Variants in SEL1L3 observed in about 807,000 individuals in gnomAD.
SEL1L3 encodes the protein protein sel-1 homolog 3.
In SEL1L3, 76 loss-of-function variants were observed where a neutral mutation model predicts 142.8. That is an observed-to-expected ratio of 0.53 (90% CI 0.44 to 0.64). The LOEUF (loss-of-function observed/expected upper bound fraction) is 0.64, where lower values mean the gene tolerates loss of function less well. Among genes scored for constraint, SEL1L3 ranks in the 30% least tolerant of loss-of-function variants. The pLI, the probability that SEL1L3 is intolerant of heterozygous loss-of-function variation, is 0.00. For synonymous variants in SEL1L3, 504 were observed against 519.6 expected (o/e 0.97, Z 0.41); for missense variants, 1,262 against 1,381.7 (o/e 0.91, Z 1.37).
chr4:25,722,984 G>A, the SEL1L3 span, among the ~76,000 whole-genome samples: 3 of 152,156 alleles, frequency 2.0e-5, no homozygotes, highest in Non-Finnish European at 2.9e-5. Context: ...GGAGAGTTAC[G>A]TGGACAAGGA....
chr4:25,757,810 C>T lies in SEL1L3; in HGVS notation c.3084-20G>A. ...CAGCACCTGCAGACAAAGCCCAGGG[C>T]ATCTTGACGTGTCAGCCAACTTTGG... On this transcript the variant is annotated intron_variant, in intron 21 of 23. Coordinates refer to ENST00000399878, the MANE Select transcript of SEL1L3 (RefSeq NM_015187.5). The T allele has an allele frequency of 1.3e-6, 2 of 1,549,364 alleles. No individual in the cohort carries two copies. Among genetic ancestry groups the T allele is most frequent in the Non-Finnish European group, 1.7e-6 (2 of 1,143,380 alleles).
intron 1 of SEL1L3, among the ~76,000 whole-genome samples, chr4:25,860,017 G>T (rs1285391925): frequency 6.6e-6 from 1 of 152,172 alleles, no homozygotes; most frequent in Non-Finnish European, 1.5e-5. Context: ...AGCTAGTGTG[G>T]TTTAGAGCTG....
chr4:25,845,363 G>T (rs1285924451), intron 2 of SEL1L3, among the ~76,000 whole-genome samples: 6 of 152,160 alleles, frequency 3.9e-5, no homozygotes, highest in Admixed American at 2.0e-4. Context: ...GGGTGTGGTG[G>T]TACATGCCCA....
chr4:25,789,367 G>A (rs183406374), intron 12 of SEL1L3, among the ~76,000 whole-genome samples: 1 of 152,134 alleles, frequency 6.6e-6, no homozygotes, highest in East Asian at 1.9e-4. Flanking sequence ...ATTGCTTGAG[G>A]CCAGGAGTTC....
chr4:25,816,750 C>T (rs1056744866), intron 9 of SEL1L3, among the ~76,000 whole-genome samples: 1 of 152,176 alleles, frequency 6.6e-6, no homozygotes, highest in Admixed American at 6.5e-5. Flanking sequence ...GGAACAATCA[C>T]TTTGCAGGGC....
At chr4:25,799,315 T>A (rs2109213633) in intron 11 of SEL1L3, among the ~76,000 whole-genome samples, 1 of 152,262 alleles carries the variant, frequency 6.6e-6, no homozygotes, top group Middle Eastern at 3.4e-3. Flanking sequence ...CCTCAAGTGA[T>A]CTGCCTGCCT....
intron 2 of SEL1L3, among the ~76,000 whole-genome samples, chr4:25,841,965 A>G (rs1441315527): frequency 6.6e-6 from 1 of 152,154 alleles, no homozygotes; most frequent in Non-Finnish European, 1.5e-5. Flanking sequence ...GTCTCAAAAA[A>G]ATTAGATAAC....
chr4:25,862,584 C>T (rs1560369246), intron 1 of SEL1L3, 91 bp downstream of exon 1: 2 of 623,186 alleles, frequency 3.2e-6, no homozygotes, highest in South Asian at 6.9e-5. Context: ...GCGGCGTCCC[C>T]GCCCCGCGTG....
intron 9 of SEL1L3, among the ~76,000 whole-genome samples, chr4:25,812,449 G>A (rs1714093194): frequency 6.6e-6 from 1 of 152,228 alleles, no homozygotes; most frequent in Non-Finnish European, 1.5e-5. Context: ...GTTGGGCACA[G>A]GGGCTCACAC....
intron 20 of SEL1L3, chr4:25,759,758 G>C (rs949086502): frequency 6.6e-6 from 1 of 152,264 alleles, no homozygotes; most frequent in Non-Finnish European, 1.5e-5. Context: ...TAAAGGATGG[G>C]TACTATTACA....
chr4:25,844,965 A>G (rs1359100376), intron 2 of SEL1L3, among the ~76,000 whole-genome samples: 1 of 152,188 alleles, frequency 6.6e-6, no homozygotes. Context: ...TTTTCATTTA[A>G]AGCACTGCAC....
In SEL1L3 at chr4:25,811,894, T is replaced by C. The variant is rs192347596; in HGVS notation, c.1564+6244A>G. Among the ~76,000 whole-genome samples, 8 of 152,254 alleles carry C rather than the reference T, an allele frequency of 5.3e-5. No individual in the cohort carries two copies. In the East Asian group the frequency reaches 1.5e-3, roughly 29 times the overall value. Reference sequence around the variant, plus strand: ...AATGCAATGCTTTTATAAAGTGACATAATGTCTACGACAGAACTTAGTGAA... The same window carrying C: ...AATGCAATGCTTTTATAAAGTGACACAATGTCTACGACAGAACTTAGTGAA... On this transcript the variant is annotated intron_variant, in intron 9 of 23. Transcript: ENST00000399878.
intron 6 of SEL1L3, among the ~76,000 whole-genome samples, chr4:25,826,060 T>C (rs1445622859): frequency 6.6e-6 from 1 of 152,184 alleles, no homozygotes; most frequent in East Asian, 1.9e-4. Context: ...TAATTTTAAA[T>C]TTATTTGTGA....
At chr4:25,771,618 G>A (rs923491528) in intron 17 of SEL1L3, among the ~76,000 whole-genome samples, 3 of 152,052 alleles carry the variant, frequency 2.0e-5, no homozygotes, top group African/African-American at 7.2e-5. Context: ...CAGCTCTATT[G>A]CAAAAAGGTG....
intron 5 of SEL1L3, among the ~76,000 whole-genome samples, chr4:25,832,197 A>G (rs1266169220): frequency 6.6e-6 from 1 of 152,240 alleles, no homozygotes; most frequent in Non-Finnish European, 1.5e-5. Flanking sequence ...TTACAGAAAA[A>G]GGAAATGTGA....
chr4:25,779,105 T>A lies in SEL1L3; in HGVS notation c.2556A>T (p.Thr852=). The A allele has an allele frequency of 6.2e-7, 1 of 1,613,640 alleles. No individual in the cohort carries two copies. Among genetic ancestry groups the A allele is most frequent in the Non-Finnish European group, 8.5e-7 (1 of 1,179,640 alleles). Residue 852 remains threonine, a synonymous_variant, in exon 16 of 24, where the codon ACA becomes ACT. Transcript: ENST00000399878. The part of the protein sequence containing the change: ...SLYYITGNLE[T]FPRDPEKAVV... Reference sequence around the variant, plus strand: ...CAGCTTTCTCAGGATCTCTAGGGAATGTCTCCAGGTTGCCTGTGATATAGT... The same window carrying A: ...CAGCTTTCTCAGGATCTCTAGGGAAAGTCTCCAGGTTGCCTGTGATATAGT...
chr4:25,765,445 A>G lies in SEL1L3; in HGVS notation c.2846-10T>C. 1.3e-6 allele frequency: 2 copies of G among 1,551,740 alleles called. No individual in the cohort carries two copies. Among genetic ancestry groups the G allele is most frequent in the South Asian group, 1.1e-5 (1 of 89,708 alleles). On this transcript the variant is annotated splice_polypyrimidine_tract_variant and intron_variant, in intron 19 of 23. Transcript: ENST00000399878. ...CCCATCTTCAAATATGCTGCAGGAA[A>G]TAAAGCACAGATCCATTTGTCAAGT... is the stretch of plus-strand genomic sequence containing the variant.
the SEL1L3 span, among the ~76,000 whole-genome samples, chr4:25,724,822 A>T: frequency 4.0e-4 from 60 of 150,892 alleles, no homozygotes; most frequent in Admixed American, 6.6e-4. Context: ...ATCCTCTGGT[A>T]GTTATAACAG....
chr4:25,747,341 T>G (rs771211590), downstream of SEL1L3: 13 of 152,148 alleles, frequency 8.5e-5, no homozygotes, highest in Non-Finnish European at 1.5e-4. Context: ...GGACTTTTCT[T>G]TTTTCCCTCC....
Sources: gnomAD v4.1 joint callset for allele counts (sites outside exome capture counted in the v4.1 genomes callset) on GRCh38, gnomAD v4.1.1 for gene constraint, MANE v1.5 for transcripts, NCBI Gene and HGNC (gene_info 2026-07-23, HGNC 2026-07-21) for gene names.